GRHL3: variants seen among roughly 807,000 people sequenced by gnomAD.
The protein encoded by GRHL3 is grainyhead-like protein 3 homolog.
A neutral mutation model predicts 70.3 loss-of-function variants in GRHL3; 20 were observed. The ratio of observed to expected loss-of-function variants is 0.28; its 90% CI spans 0.20 to 0.41. GRHL3 has a LOEUF of 0.41. Ranked by LOEUF, GRHL3 falls within the 10% of genes least tolerant of loss-of-function variation. The pLI, the probability that GRHL3 is intolerant of heterozygous loss-of-function variation, is 1.00. For synonymous variants in GRHL3, 299 were observed against 299.9 expected (o/e 1.00, Z 0.03); for missense variants, 637 against 762.3 (o/e 0.84, Z 1.94).
chr1:24,360,847 T>C, intron 15 of GRHL3: 5 of 1,605,836 alleles, frequency 3.1e-6, no homozygotes, highest in Non-Finnish European at 4.2e-6. Flanking sequence ...AACAATCCTC[T>C]GACCTGGGCC....
intron 1 of GRHL3, among the ~76,000 whole-genome samples, chr1:24,327,993 C>G (rs1421529482): frequency 6.6e-6 from 1 of 152,210 alleles, no homozygotes; most frequent in Non-Finnish European, 1.5e-5. Context: ...GTGGCAGGAG[C>G]AGGCATGGGA....
chr1:24,342,839 G>C lies in GRHL3; in HGVS notation c.1286-53G>C, dbSNP rs1640098773. On this transcript the variant is annotated intron_variant, in intron 10 of 15. Transcript: ENST00000361548. The surrounding 1 kb of genome is among the most constrained non-coding windows in gnomAD (Gnocchi z 4.8). ...AAGGGGAGAAGGAGACCAGAGGTGG[G>C]AGGGACTTGAGTGGAGGGACCTCGG... 6.2e-7 allele frequency: 1 copy of C among 1,613,950 alleles called. No individual in the cohort carries two copies. The highest frequency in any genetic ancestry group is 1.3e-5 in the African/African-American group (1 of 74,938).
chr1:24,351,274 C>T (rs1375138389), intron 15 of GRHL3, among the ~76,000 whole-genome samples: 3 of 152,274 alleles, frequency 2.0e-5, no homozygotes, highest in African/African-American at 7.2e-5. Context: ...CCCATCTCAT[C>T]AGGCCTAGGG....
chr1:24,337,924 A>C (rs1486329401), intron 6 of GRHL3, 68 bp from the exon 7 acceptor site: 1 of 1,544,398 alleles, frequency 6.5e-7, no homozygotes, highest in Non-Finnish European at 8.8e-7. Context: ...ACTGAGGCAA[A>C]AGGGCAGGCC....
intron 3 of GRHL3, among the ~76,000 whole-genome samples, chr1:24,335,798 G>A (rs944569159): frequency 6.6e-5 from 10 of 152,082 alleles, no homozygotes; most frequent in Admixed American, 5.2e-4. Flanking sequence ...TAGCCAGGAT[G>A]GTCTCGATCT....
intron 14 of GRHL3, among the ~76,000 whole-genome samples, chr1:24,349,341 T>C (rs1290018422): frequency 6.6e-6 from 1 of 152,226 alleles, no homozygotes; most frequent in Admixed American, 6.5e-5. Flanking sequence ...GGCGCGTGGC[T>C]TATGCTGTTT....
intron 15 of GRHL3, among the ~76,000 whole-genome samples, chr1:24,352,122 G>A (rs985552271): frequency 2.6e-5 from 4 of 151,818 alleles, no homozygotes; most frequent in African/African-American, 4.8e-5. Flanking sequence ...ACACCCCCAC[G>A]GCCGTGAAAA....
chr1:24,342,617 A>T lies in GRHL3; in HGVS notation c.1207-77A>T. 7.8e-7 allele frequency: 1 copy of T among 1,276,224 alleles called. No homozygotes were observed. Among genetic ancestry groups the T allele is most frequent in the Non-Finnish European group, 1.1e-6 (1 of 875,360 alleles). 79.1% of individuals were successfully genotyped at this position (1,276,224 alleles called of 1,614,324 possible). A position where few individuals can be genotyped will look rare whatever the true frequency, so the allele number is the denominator to read the frequency against. The stretch of plus-strand genomic sequence containing the variant: ...AGGACCAGAAGCTTGGCCCATATTT[A>T]AGATGCAAAGCAGCAGCTGTGAAAG... On this transcript the variant is annotated intron_variant, in intron 9 of 15. Transcript: ENST00000361548. This position sits in a 1 kb window ranked among gnomAD's most constrained non-coding sequence, Gnocchi z 4.8.
downstream of GRHL3, chr1:24,357,718 T>G (rs1228534457): frequency 6.0e-6 from 1 of 166,406 alleles, no homozygotes; most frequent in Non-Finnish European, 1.4e-5. Flanking sequence ...ACCGCGAATC[T>G]GTGCAGCCTC....
At chr1:24,320,840 A>G (rs1639154058) in intron 1 of GRHL3, among the ~76,000 whole-genome samples, 1 of 152,232 alleles carries the variant, frequency 6.6e-6, no homozygotes, top group Non-Finnish European at 1.5e-5. Flanking sequence ...TTCAAGTCCC[A>G]GCTCTAGCAC....
chr1:24,348,470 A>G (rs1640380946), intron 14 of GRHL3, among the ~76,000 whole-genome samples: 1 of 152,182 alleles, frequency 6.6e-6, no homozygotes, highest in Non-Finnish European at 1.5e-5. Flanking sequence ...GCTCGGCATC[A>G]GCCCCAGGAA....
rs762000715 is a variant in GRHL3 at position 24,338,017 on chromosome 1, A to G, written c.866A>G (p.Asn289Ser). ...VKSVVMVVFD[N>S]EKVPVEQLRF... The stretch of plus-strand genomic sequence containing the variant: ...AGTGTGGTGATGGTTGTCTTCGACA[A>G]TGAGAAGGTCCCAGTAGAGCAGCTG... The change falls in exon 7 of 16, where the codon AAT (asparagine) becomes AGT (serine). Residue 289 changes from asparagine (N) to serine (S), a missense_variant. Physicochemically the swap from Asn to Ser is conservative, Grantham distance 46. Transcript: ENST00000361548. 6.2e-7 allele frequency: 1 copy of G among 1,611,454 alleles called. No homozygotes were observed. The highest frequency in any genetic ancestry group is 1.1e-5 in the South Asian group (1 of 90,592).
Position 24,338,086 on chromosome 1 carries a change from A to G in GRHL3, c.935A>G (p.Gln312Arg), listed in dbSNP as rs780280734. The change falls in exon 7 of 16, where the codon CAG (glutamine) becomes CGG (arginine). Residue 312 changes from glutamine (Q) to arginine (R), a missense_variant. Physicochemically the swap from Gln to Arg is conservative, Grantham distance 43. Coordinates refer to ENST00000361548, the MANE Select transcript of GRHL3 (RefSeq NM_198173.3). ...CATTCCCGGCAACCCACTGCCAAGC[A>G]GCGGGTCATTGACGTGGGTGAGAGC... ...HWHSRQPTAK[Q>R]RVIDVADCKE... is the part of the protein sequence containing the mutation. 1 of 1,610,624 alleles carries G rather than the reference A, an allele frequency of 6.2e-7. No homozygotes were observed. The highest frequency in any genetic ancestry group is 8.5e-7 in the Non-Finnish European group (1 of 1,178,210).
At chr1:24,338,150 AC>A in intron 7 of GRHL3, 47 bp downstream of exon 7, 1 of 1,259,998 alleles carries the variant, frequency 7.9e-7, no homozygotes. Context: ...CTCTCTCCCC[AC>A]CCCCGCATCA....
At chr1:24,358,013 A>C (rs1569945700), downstream of GRHL3, 1 of 355,468 alleles carries the variant, frequency 2.8e-6, no homozygotes, top group South Asian at 2.1e-5. Context: ...TGGAAAAAGC[A>C]TCACCTGCCT....
Position 24,319,468 on chromosome 1 carries a change from A to T in GRHL3, c.-84A>T, listed in dbSNP as rs1286485567. On this transcript the variant is annotated 5_prime_UTR_variant, in exon 1 of 16. Transcript: ENST00000361548. ...ACATAAATCAAACACTTTCCCGGGCAGAGAATGTCTGTGTCAGGCAAGAAT... is the reference window on the plus strand; with the variant it reads ...ACATAAATCAAACACTTTCCCGGGCTGAGAATGTCTGTGTCAGGCAAGAAT... The T allele has an allele frequency of 1.5e-6, 2 of 1,350,216 alleles. No individual in the cohort carries two copies. The highest frequency in any genetic ancestry group is 2.9e-5 in the African/African-American group (2 of 69,750). The allele number at this position is 1,350,216 out of a possible 1,614,324, so 83.6% of individuals were successfully genotyped here.
intron 7 of GRHL3, among the ~76,000 whole-genome samples, chr1:24,339,467 A>T (rs1639955298): frequency 1.3e-5 from 2 of 151,794 alleles, no homozygotes; most frequent in Admixed American, 1.3e-4. Flanking sequence ...TTTTAGTAGA[A>T]ACAGGGTTTC....
chr1:24,337,935 A>G, intron 6 of GRHL3, 57 bp from the exon 7 acceptor site: 1 of 1,544,978 alleles, frequency 6.5e-7, no homozygotes, highest in Non-Finnish European at 8.8e-7. Context: ...AGGGCAGGCC[A>G]TTGGAACCAG....
In GRHL3 at chr1:24,322,597, G is replaced by A. The variant is rs1027892193; in HGVS notation, c.17+3029G>A. Among the ~76,000 whole-genome samples, 3 of 152,356 alleles carry A rather than the reference G, an allele frequency of 2.0e-5. No homozygotes were observed. Among genetic ancestry groups the A allele is most frequent in the Non-Finnish European group, 4.4e-5 (3 of 68,026 alleles). Reference sequence around the variant, plus strand: ...GCCAACCCTAACGGCGGCGGCCCGGGCGGCGCGGGGGTCCTGCGGCTCCGC... The same window carrying A: ...GCCAACCCTAACGGCGGCGGCCCGGACGGCGCGGGGGTCCTGCGGCTCCGC... On this transcript the variant is annotated intron_variant, in intron 1 of 15. Coordinates refer to ENST00000361548, the MANE Select transcript of GRHL3 (RefSeq NM_198173.3). This position sits in a 1 kb window ranked among gnomAD's most constrained non-coding sequence, Gnocchi z 4.4.
Sources: allele counts gnomAD v4.1 joint callset (sites outside exome capture counted in the v4.1 genomes callset), GRCh38; gene constraint gnomAD v4.1.1; non-coding constraint Gnocchi (gnomAD v3.1); transcripts MANE v1.5; gene names NCBI Gene and HGNC (gene_info 2026-07-23, HGNC 2026-07-21).